The following CA10 variants were observed in gnomAD, a reference collection of about 807,000 sequenced individuals.
CA10 encodes the protein carbonic anhydrase 10 (inactive).
In CA10, 14 loss-of-function variants were observed where a neutral mutation model predicts 44.2. The observed-to-expected ratio is 0.32, with a 90% confidence interval of 0.21 to 0.50. CA10 has a LOEUF of 0.50. Among genes scored for constraint, CA10 ranks in the 20% least tolerant of loss-of-function variants. CA10 has a pLI of 0.99. For synonymous variants in CA10, 159 were observed against 141.6 expected, an observed-to-expected ratio of 1.12 and a Z score of -0.87; for missense variants, 350 against 409.7, an observed-to-expected ratio of 0.85 and a Z score of 1.26.
rs116273779 is a variant in CA10, at chr17:51,771,287, A to G, written c.280-23469T>C. On this transcript the variant is annotated intron_variant, in intron 3 of 8. Coordinates refer to ENST00000451037, the MANE Select transcript of CA10 (RefSeq NM_020178.5). ...GATTATATTTCAACGTGAGATTTGG[A>G]CTGGGACAAATATCCAAACTATATC... 5.0e-3 allele frequency among the ~76,000 whole-genome samples: 757 copies of G among 152,160 alleles called. 5 individuals are homozygous for G. The highest frequency in any genetic ancestry group is 0.017 in the African/African-American group (720 of 41,516).
chr17:51,925,803 G>A (rs12150557), intron 3 of CA10, among the ~76,000 whole-genome samples: 6,389 of 152,202 alleles, frequency 0.042, 161 homozygotes, highest in African/African-American at 0.077. Flanking sequence ...GATGGACCTT[G>A]AAAACATTAT....
chr17:51,983,579 T>C (rs558808398), intron 2 of CA10, among the ~76,000 whole-genome samples: 47 of 150,298 alleles, frequency 3.1e-4, no homozygotes, highest in Middle Eastern at 6.8e-3. Flanking sequence ...TGTTTTTTTT[T>C]CCAGATGACT....
chr17:51,876,981 C>A (rs1205228237), intron 3 of CA10, among the ~76,000 whole-genome samples: 1 of 152,206 alleles, frequency 6.6e-6, no homozygotes, highest in African/African-American at 2.4e-5. Context: ...TTAGTGCATG[C>A]AGCTCACTAA....
chr17:52,076,761 T>C (rs1422300145), intron 1 of CA10, among the ~76,000 whole-genome samples: 3 of 152,180 alleles, frequency 2.0e-5, no homozygotes, highest in Non-Finnish European at 4.4e-5. Context: ...ACAGGATTCT[T>C]ATTTTAACGC....
intron 4 of CA10, among the ~76,000 whole-genome samples, chr17:51,701,865 C>T (rs1915614826): frequency 6.6e-6 from 1 of 152,212 alleles, no homozygotes; most frequent in Non-Finnish European, 1.5e-5. Context: ...TTCTGAGACA[C>T]ATTGTCTCCA....
chr17:52,126,144 A>T (rs185658905), intron 1 of CA10, among the ~76,000 whole-genome samples: 150 of 152,342 alleles, frequency 9.8e-4, no homozygotes, highest in Non-Finnish European at 1.9e-3. Flanking sequence ...CATTGCTATG[A>T]TATTGCTCAT....
At chr17:51,700,372 C>A (rs1416391339) in intron 4 of CA10, among the ~76,000 whole-genome samples, 4 of 152,192 alleles carry the variant, frequency 2.6e-5, no homozygotes, top group South Asian at 2.1e-4. Context: ...AGAGCAGAAT[C>A]CTGGCAATGG....
At chr17:52,112,501 T>C (rs771110235) in intron 1 of CA10, among the ~76,000 whole-genome samples, 2 of 152,228 alleles carry the variant, frequency 1.3e-5, no homozygotes, top group African/African-American at 2.4e-5. Flanking sequence ...TAGTTATATT[T>C]GGCCCTTTAT....
At chr17:51,928,272 C>T (rs1215890134) in intron 3 of CA10, among the ~76,000 whole-genome samples, 2 of 152,010 alleles carry the variant, frequency 1.3e-5, no homozygotes, top group Non-Finnish European at 2.9e-5. Context: ...ATTTTGACTG[C>T]AACCTGTCAC....
chr17:51,788,707 T>C (rs926204834), intron 3 of CA10, among the ~76,000 whole-genome samples: 6 of 152,230 alleles, frequency 3.9e-5, no homozygotes, highest in African/African-American at 1.4e-4. Context: ...ATGATTTCCC[T>C]TGAACACTTC....
chr17:51,661,787 T>C (rs1914017946), intron 4 of CA10: 1 of 152,186 alleles, frequency 6.6e-6, no homozygotes, highest in Admixed American at 6.5e-5. Flanking sequence ...GCGAGAACTT[T>C]TAAAGAGAAA....
At chr17:51,656,088 C>T (rs1172870382) in intron 4 of CA10, among the ~76,000 whole-genome samples, 2 of 152,196 alleles carry the variant, frequency 1.3e-5, no homozygotes, top group African/African-American at 4.8e-5. Context: ...GCTGAGTAAG[C>T]TTCTAATGAG....
At chr17:51,957,162 G>A (rs144228147) in intron 2 of CA10, among the ~76,000 whole-genome samples, 89 of 152,220 alleles carry the variant, frequency 5.8e-4, no homozygotes, top group Non-Finnish European at 1.1e-3. Context: ...AGTATTTTGC[G>A]AGTTAATTAA....
chr17:52,086,398 G>T (rs866647396), intron 1 of CA10, among the ~76,000 whole-genome samples: 2 of 152,190 alleles, frequency 1.3e-5, no homozygotes, highest in African/African-American at 4.8e-5. Context: ...TTCAAAGGCC[G>T]CTATGCTGTG....
rs532360667 is a variant in CA10 at position 51,714,646 on chromosome 17, G to A, written c.465+32987C>T. ...AGAAGGCGATGATTGCTCTTGCTAAGACAATGGACTTCGGTGGTGATGGGA... is the reference window on the plus strand; with the variant it reads ...AGAAGGCGATGATTGCTCTTGCTAAAACAATGGACTTCGGTGGTGATGGGA... On this transcript the variant is annotated intron_variant, in intron 4 of 8. Coordinates refer to ENST00000451037, the MANE Select transcript of CA10 (RefSeq NM_020178.5). Among the ~76,000 whole-genome samples the A allele has an allele frequency of 2.6e-5, 4 of 152,334 alleles. No individual in the cohort carries two copies. The East Asian group carries it at 7.7e-4, about 29-fold the overall frequency.
intron 4 of CA10, among the ~76,000 whole-genome samples, chr17:51,658,294 G>C (rs1485029023): frequency 6.6e-6 from 1 of 152,186 alleles, no homozygotes; most frequent in African/African-American, 2.4e-5. Flanking sequence ...AGGTCAATTG[G>C]AATAAGACTG....
At position 51,929,805 on chromosome 17, in the gene CA10, G is replaced by A. The variant is rs533344358; in HGVS notation, c.279+1185C>T. Among the ~76,000 whole-genome samples, 8 of 152,214 alleles carry A rather than the reference G, an allele frequency of 5.3e-5. 1 individual carries two copies. In the South Asian group the frequency reaches 6.2e-4, roughly 12 times the overall value. ...ATGGAACAATAATTAGGATAGCATC[G>A]TTTTATATGGAATCAGAGCAATAAA... is the stretch of plus-strand genomic sequence containing the variant. On this transcript the variant is annotated intron_variant, in intron 3 of 8. Coordinates refer to ENST00000451037, the MANE Select transcript of CA10 (RefSeq NM_020178.5).
chr17:52,007,559 G>T (rs1985642883), intron 2 of CA10, among the ~76,000 whole-genome samples: 1 of 151,390 alleles, frequency 6.6e-6, no homozygotes, highest in Non-Finnish European at 1.5e-5. Context: ...TATGATAGTG[G>T]CCTATGGTCA....
At chr17:51,696,550 T>C (rs1427986326) in intron 4 of CA10, among the ~76,000 whole-genome samples, 1 of 152,202 alleles carries the variant, frequency 6.6e-6, no homozygotes, top group Non-Finnish European at 1.5e-5. Flanking sequence ...GATTTTTTGA[T>C]TCTTTGTATG....
Sources: gnomAD v4.1 joint callset for allele counts (sites outside exome capture counted in the v4.1 genomes callset) on GRCh38, gnomAD v4.1.1 for gene constraint, MANE v1.5 for transcripts, NCBI Gene and HGNC (gene_info 2026-07-23, HGNC 2026-07-21) for gene names.